SYNJ2BP: variants seen among roughly 807,000 people sequenced by gnomAD.
SYNJ2BP encodes the protein synaptojanin 2 binding protein, also known as synaptojanin-2-binding protein.
In SYNJ2BP, 10 loss-of-function variants were observed where a neutral mutation model predicts 16.9. That is an observed-to-expected ratio of 0.59 (90% CI 0.36 to 1.00). SYNJ2BP has a LOEUF of 1.00. SYNJ2BP is among the 50% of genes least tolerant of loss of function. The pLI, the probability that SYNJ2BP is intolerant of heterozygous loss-of-function variation, is 0.01. For missense variants in SYNJ2BP, 162 were observed against 186.7 expected (o/e 0.87, Z 0.77); for synonymous variants, 54 against 68.4 (o/e 0.79, Z 1.04).
intron 1 of SYNJ2BP, among the ~76,000 whole-genome samples, chr14:70,395,586 T>C (rs1467439357): frequency 6.6e-6 from 1 of 152,208 alleles, no homozygotes; most frequent in African/African-American, 2.4e-5. Context: ...TCAAACTCCA[T>C]TGGATACACA....
At chr14:70,377,330 C>T (rs918677979) in intron 2 of SYNJ2BP, among the ~76,000 whole-genome samples, 5 of 152,194 alleles carry the variant, frequency 3.3e-5, no homozygotes, top group Non-Finnish European at 7.3e-5. Flanking sequence ...CAATCCTTTT[C>T]TTGCCATCAT....
At chr14:70,389,373 CT>C (rs752623860) in intron 1 of SYNJ2BP, among the ~76,000 whole-genome samples, 2,126 of 94,942 alleles carry the variant, frequency 0.022, 19 homozygotes, top group Non-Finnish European at 0.037. Flanking sequence ...TTGAGAGTTT[CT>C]TTTTTTTTTT....
rs1266092639 is a variant in SYNJ2BP, at chr14:70,372,585, A to G, written c.*406T>C. The G allele has an allele frequency of 6.1e-6, 1 of 163,594 alleles. No homozygotes were observed. Among genetic ancestry groups the G allele is most frequent in the Admixed American group, 6.0e-5 (1 of 16,664 alleles). 10.1% of individuals were successfully genotyped at this position (163,594 alleles called of 1,614,324 possible). ...TAGAAATTAAATAAAGGCCACAATAATTTCCCAAGGAAGATCATTAAAAAG... is the reference window on the plus strand; with the variant it reads ...TAGAAATTAAATAAAGGCCACAATAGTTTCCCAAGGAAGATCATTAAAAAG... On this transcript the variant is annotated 3_prime_UTR_variant, in exon 4 of 4. Transcript: ENST00000256366.
In SYNJ2BP at chr14:70,367,490, C is replaced by T. The variant is rs181465620; in HGVS notation, c.*5501G>A. ...GGCAGGAGAATCGCTTGAACCCGGG[C>T]GGCAGAGATTGCAGTGAGCTGAGAT... is the stretch of plus-strand genomic sequence containing the variant. On this transcript the variant is annotated 3_prime_UTR_variant, in exon 4 of 4. Transcript: ENST00000256366. The T allele has an allele frequency of 1.4e-3, 183 of 131,010 alleles. No individual in the cohort carries two copies. Among genetic ancestry groups the T allele is most frequent in the African/African-American group, 4.4e-3 (152 of 34,750 alleles). 8.1% of individuals were successfully genotyped at this position (131,010 alleles called of 1,614,324 possible).
At chr14:70,414,748 G>A (rs538117293) in intron 1 of SYNJ2BP, among the ~76,000 whole-genome samples, 4 of 152,260 alleles carry the variant, frequency 2.6e-5, no homozygotes, top group East Asian at 1.9e-4. Flanking sequence ...AGGCAAAACA[G>A]GAGCAGAACA....
chr14:70,405,508 G>T (rs1307802425), intron 1 of SYNJ2BP, among the ~76,000 whole-genome samples: 1 of 151,944 alleles, frequency 6.6e-6, no homozygotes, highest in Admixed American at 6.6e-5. Flanking sequence ...ATTAGAAGGG[G>T]ATTATTTCAC....
At chr14:70,384,431 G>GT (rs1441885929) in intron 2 of SYNJ2BP, among the ~76,000 whole-genome samples, 1 of 152,162 alleles carries the variant, frequency 6.6e-6, no homozygotes, top group Non-Finnish European at 1.5e-5. Flanking sequence ...GAATACTTAA[G>GT]TACATTTCAT....
chr14:70,407,429 CAAA>C (rs71105710), intron 1 of SYNJ2BP, among the ~76,000 whole-genome samples: 6 of 110,988 alleles, frequency 5.4e-5, no homozygotes, highest in Admixed American at 8.8e-5. Flanking sequence ...GACTCCGTCT[CAAA>C]AAAAAAAAAA....
intron 2 of SYNJ2BP, among the ~76,000 whole-genome samples, chr14:70,386,818 A>C (rs1206930073): frequency 6.6e-6 from 1 of 152,234 alleles, no homozygotes; most frequent in East Asian, 1.9e-4. Context: ...ATTCAAATGA[A>C]ACTATATAGC....
chr14:70,392,266 A>G (rs1338581098), intron 1 of SYNJ2BP, among the ~76,000 whole-genome samples: 3 of 152,214 alleles, frequency 2.0e-5, no homozygotes, highest in Admixed American at 6.5e-5. Context: ...GACAGTTCCT[A>G]TTTTAACCAC....
At position 70,368,944 on chromosome 14, in the gene SYNJ2BP, G is replaced by A. The variant is rs1425584510; in HGVS notation, c.*4047C>T. ...AGCTCTCCAGATGATTCTAACCTGAGCAAAGGGAATGATGACTGGCATAGA... is the reference window on the plus strand; with the variant it reads ...AGCTCTCCAGATGATTCTAACCTGAACAAAGGGAATGATGACTGGCATAGA... On this transcript the variant is annotated 3_prime_UTR_variant, in exon 4 of 4. Coordinates refer to ENST00000256366, the MANE Select transcript of SYNJ2BP (RefSeq NM_018373.3). 2 of 152,092 alleles carry A rather than the reference G, an allele frequency of 1.3e-5. No homozygotes were observed. The highest frequency in any genetic ancestry group is 4.8e-5 in the African/African-American group (2 of 41,390). The allele number at this position is 152,092 out of a possible 1,614,324, so 9.4% of individuals were successfully genotyped here.
At chr14:70,414,961 A>C (rs184647602) in intron 1 of SYNJ2BP, among the ~76,000 whole-genome samples, 179 of 152,314 alleles carry the variant, frequency 1.2e-3, no homozygotes, top group African/African-American at 3.8e-3. Flanking sequence ...ATAGCAAAAA[A>C]ATGAATCCAA....
chr14:70,416,934 A>G lies in SYNJ2BP; in HGVS notation c.30T>C (p.Thr10=), dbSNP rs1888625048. 1 of 1,614,018 alleles carries G rather than the reference A, an allele frequency of 6.2e-7. No homozygotes were observed. Among genetic ancestry groups the G allele is most frequent in the South Asian group, 1.1e-5 (1 of 91,086 alleles). ...CTCTGGTAAGATTGATCTCTTCCTC[A>G]GTGACCAAATAATCCACTCTTCCGT... MNGRVDYLV[T]EEEINLTRGP... is the part of the protein sequence containing the mutation. Residue 10 remains threonine (T), a synonymous_variant, in exon 1 of 4, where the codon ACT becomes ACC. Transcript: ENST00000256366.
intron 2 of SYNJ2BP, among the ~76,000 whole-genome samples, chr14:70,377,267 A>C (rs1887651481): frequency 2.6e-5 from 4 of 152,152 alleles, no homozygotes; most frequent in African/African-American, 9.7e-5. Context: ...AATCATTAGA[A>C]TCCTTTGTCC....
intron 1 of SYNJ2BP, among the ~76,000 whole-genome samples, chr14:70,411,499 C>T (rs1257538995): frequency 2.0e-5 from 3 of 152,222 alleles, no homozygotes; most frequent in Non-Finnish European, 2.9e-5. Context: ...ATAATCTGAT[C>T]TCCACCTACT....
chr14:70,390,963 G>A (rs535959696), intron 1 of SYNJ2BP, among the ~76,000 whole-genome samples: 11 of 151,910 alleles, frequency 7.2e-5, no homozygotes, highest in African/African-American at 1.9e-4. Context: ...GTGAAACCCC[G>A]TCTCTACCAA....
rs1223234037 is a variant in SYNJ2BP, at chr14:70,373,025, G to A, written c.404C>T (p.Ala135Val). 6.2e-7 allele frequency: 1 copy of A among 1,614,120 alleles called. No homozygotes were observed. The highest frequency in any genetic ancestry group is 8.5e-7 in the Non-Finnish European group (1 of 1,180,032). The change falls in exon 4 of 4, where the codon GCC becomes GTC. Residue 135 changes from alanine (A) to valine (V), a missense_variant. By Grantham distance (64) the Ala-to-Val change is moderately conservative. Coordinates refer to ENST00000256366, the MANE Select transcript of SYNJ2BP (RefSeq NM_018373.3). The part of the protein sequence containing the change: ...VPVFALTMVA[A>V]WAFMRYRQQL Reference sequence around the variant, plus strand: ...TTGCCGGTATCTCATGAAAGCCCAGGCTGCTACCATGGTGAGGGCAAACAC... The same window carrying A: ...TTGCCGGTATCTCATGAAAGCCCAGACTGCTACCATGGTGAGGGCAAACAC...
intron 2 of SYNJ2BP, among the ~76,000 whole-genome samples, chr14:70,387,772 G>A (rs1041260245): frequency 1.3e-4 from 19 of 151,310 alleles, no homozygotes; most frequent in African/African-American, 4.4e-4. Context: ...CAGAGGTTGC[G>A]GTGAGCCAAG....
In SYNJ2BP at chr14:70,410,580, C is replaced by T. The variant is rs531147024; in HGVS notation, c.64+6320G>A. Among the ~76,000 whole-genome samples, 6 of 152,132 alleles carry T rather than the reference C, an allele frequency of 3.9e-5. No homozygotes were observed. In the East Asian group the frequency reaches 1.2e-3, roughly 29 times the overall value. On this transcript the variant is annotated intron_variant, in intron 1 of 3. Transcript: ENST00000256366. ...ACATGCATGCATGTGTTCACTGCAGCACTATCCATAACAGCAAAGAGATCG... is the reference window on the plus strand; with the variant it reads ...ACATGCATGCATGTGTTCACTGCAGTACTATCCATAACAGCAAAGAGATCG...
Sources: allele counts gnomAD v4.1 joint callset (sites outside exome capture counted in the v4.1 genomes callset), GRCh38; gene constraint gnomAD v4.1.1; transcripts MANE v1.5; gene names NCBI Gene and HGNC (gene_info 2026-07-23, HGNC 2026-07-21).